AP2A2: variants seen among roughly 807,000 people sequenced by gnomAD.
AP2A2 encodes the protein adaptor related protein complex 2 subunit alpha 2.
In AP2A2, 32 loss-of-function variants were observed where a neutral mutation model predicts 104.2. The observed-to-expected ratio is 0.31, with a 90% CI of 0.23 to 0.41. The LOEUF is 0.41. AP2A2 is among the 10% of genes least tolerant of loss of function. AP2A2 has a pLI of 1.00. For missense variants in AP2A2, 912 were observed against 1,261.0 expected, an observed-to-expected ratio of 0.72 and a Z score of 4.19; for synonymous variants, 539 against 533.3, an observed-to-expected ratio of 1.01 and a Z score of -0.15.
rs1292731581 is a variant in AP2A2, at chr11:968,418, G to A, written c.137-1751G>A. Among the ~76,000 whole-genome samples, 1 of 152,072 alleles carries A rather than the reference G, an allele frequency of 6.6e-6. No homozygotes were observed. The highest frequency in any genetic ancestry group is 2.4e-5 in the African/African-American group (1 of 41,420). ...CTCCTCTCGGAGAGAGCCTGTCTCCGTCTCCGCCCCTGTTCCCATCCCCGT... is the reference window on the plus strand; with the variant it reads ...CTCCTCTCGGAGAGAGCCTGTCTCCATCTCCGCCCCTGTTCCCATCCCCGT... On this transcript the variant is annotated intron_variant, in intron 2 of 21. Coordinates refer to ENST00000448903, the MANE Select transcript of AP2A2 (RefSeq NM_012305.4). The surrounding 1 kb of genome is among the most constrained non-coding windows in gnomAD (Gnocchi z 4.2).
chr11:973,548 G>A (rs1393358815), intron 4 of AP2A2, among the ~76,000 whole-genome samples: 1 of 152,162 alleles, frequency 6.6e-6, no homozygotes, highest in South Asian at 2.1e-4. Context: ...CCACCGAGCC[G>A]GGGGAGCAGG....
chr11:983,650 T>A (rs1035399610), intron 6 of AP2A2, among the ~76,000 whole-genome samples: 3 of 152,228 alleles, frequency 2.0e-5, no homozygotes, highest in Non-Finnish European at 2.9e-5. Context: ...CTCAAAGTGC[T>A]GGGATTACAG....
At chr11:964,385 C>T (rs1854542569) in intron 2 of AP2A2, among the ~76,000 whole-genome samples, 1 of 152,214 alleles carries the variant, frequency 6.6e-6, no homozygotes, top group Non-Finnish European at 1.5e-5. Flanking sequence ...CTCTGCGGGG[C>T]ACCAGTCTGT....
intron 2 of AP2A2, among the ~76,000 whole-genome samples, chr11:965,288 A>AC (rs1854572189): frequency 4.0e-5 from 6 of 150,394 alleles, no homozygotes; most frequent in African/African-American, 1.5e-4. Context: ...AGGTGGAAAG[A>AC]ATGGAATGGG....
At chr11:962,743 A>T (rs1176108180) in intron 2 of AP2A2, among the ~76,000 whole-genome samples, 1 of 152,102 alleles carries the variant, frequency 6.6e-6, no homozygotes, top group Non-Finnish European at 1.5e-5. Flanking sequence ...AAAAAAAAAA[A>T]AATTTTGTTT....
chr11:937,176 T>C (rs7396046), intron 1 of AP2A2, among the ~76,000 whole-genome samples: 77,063 of 151,806 alleles, frequency 0.51, 20,188 homozygotes, highest in Middle Eastern at 0.66. Flanking sequence ...CCCGCCACTA[T>C]GCCTGCCTAA....
chr11:976,998 C>A, intron 4 of AP2A2, 97 bp from the exon 5 acceptor site: 1 of 1,534,716 alleles, frequency 6.5e-7, no homozygotes, highest in East Asian at 2.4e-5. Flanking sequence ...TGCGCCAGCC[C>A]CACCCCCGCG....
At chr11:974,793 T>C (rs1227118120) in intron 4 of AP2A2, among the ~76,000 whole-genome samples, 7 of 150,466 alleles carry the variant, frequency 4.7e-5, no homozygotes, top group Non-Finnish European at 4.4e-5. Flanking sequence ...GAGACCATCC[T>C]GGCCAACATG....
intron 6 of AP2A2, among the ~76,000 whole-genome samples, chr11:982,631 T>C (rs1255670843): frequency 6.6e-6 from 1 of 152,126 alleles, no homozygotes; most frequent in Non-Finnish European, 1.5e-5. Context: ...CATTTGAACT[T>C]GCAGTTTTCT....
At position 993,718 on chromosome 11, in the gene AP2A2, C is replaced by A; in HGVS notation, c.1551-36C>A. On this transcript the variant is annotated intron_variant, in intron 12 of 21. Coordinates refer to ENST00000448903, the MANE Select transcript of AP2A2 (RefSeq NM_012305.4). This position sits in a 1 kb window ranked among gnomAD's most constrained non-coding sequence, Gnocchi z 8.2. ...GGGCGTGCTGCAGCCTGCGAGGGGA[C>A]GACGGTGTCCCTGTGTTGTGCCTCC... 1 of 1,508,128 alleles carries A rather than the reference C, an allele frequency of 6.6e-7. No individual in the cohort carries two copies. Among genetic ancestry groups the A allele is most frequent in the South Asian group, 1.2e-5 (1 of 82,548 alleles). The allele number at this position is 1,508,128 out of a possible 1,614,324, so 93.4% of individuals were successfully genotyped here.
At chr11:979,102 CAG>C (rs780060499) in intron 5 of AP2A2, among the ~76,000 whole-genome samples, 2 of 151,960 alleles carry the variant, frequency 1.3e-5, no homozygotes, top group East Asian at 1.9e-4. Context: ...GCTGCCACCA[CAG>C]GGGTGGGGCC....
At chr11:933,016 T>G (rs1287054011) in intron 1 of AP2A2, among the ~76,000 whole-genome samples, 1 of 152,202 alleles carries the variant, frequency 6.6e-6, no homozygotes, top group Non-Finnish European at 1.5e-5. Context: ...ACGCCTGTAA[T>G]CCCAGCACTT....
At chr11:953,557 C>A (rs988182628) in intron 1 of AP2A2, among the ~76,000 whole-genome samples, 19 of 151,922 alleles carry the variant, frequency 1.3e-4, no homozygotes, top group Non-Finnish European at 2.4e-4. Context: ...CCCCCCCCCC[C>A]ATTGTCTTCA....
At chr11:972,035 T>C (rs1419471259) in intron 3 of AP2A2, 27 bp from the exon 4 acceptor site, 1 of 1,595,066 alleles carries the variant, frequency 6.3e-7, no homozygotes, top group African/African-American at 1.3e-5. Flanking sequence ...TCATGAGCTT[T>C]CTCTTCTCCT....
rs777618873 is a variant in AP2A2, at chr11:992,956, C to T, written c.1452+271C>T. 9.0e-4 allele frequency among the ~76,000 whole-genome samples: 137 copies of T among 152,256 alleles called. No individual in the cohort carries two copies. The highest frequency in any genetic ancestry group is 1.6e-3 in the Non-Finnish European group (107 of 68,010). ...TGTGTGAGAGCATGCTGGGGCATGC[C>T]GTGGTGGGGCCTGCCCTGTCCGTCG... is the stretch of plus-strand genomic sequence containing the variant. On this transcript the variant is annotated intron_variant, in intron 11 of 21. Coordinates refer to ENST00000448903, the MANE Select transcript of AP2A2 (RefSeq NM_012305.4). The surrounding 1 kb of genome is among the most constrained non-coding windows in gnomAD (Gnocchi z 6.4).
intron 17 of AP2A2, chr11:1,007,503 C>T (rs1856250604): frequency 1.2e-5 from 2 of 167,056 alleles, no homozygotes; most frequent in Non-Finnish European, 2.6e-5. Flanking sequence ...GAGAGGCCTG[C>T]ACCCCGCTGC....
intron 6 of AP2A2, among the ~76,000 whole-genome samples, chr11:983,880 T>C (rs1356559221): frequency 1.3e-5 from 2 of 152,216 alleles, no homozygotes; most frequent in Admixed American, 6.5e-5. Flanking sequence ...TTTGTGTTTG[T>C]GCCTTTCAGC....
intron 15 of AP2A2, chr11:1,001,259 G>C (rs898623317): frequency 1.3e-5 from 2 of 152,744 alleles, no homozygotes; most frequent in Non-Finnish European, 2.9e-5. Flanking sequence ...TCCCCCGCAC[G>C]TGCTCTCCCC....
Position 993,484 on chromosome 11 carries a change from C to T in AP2A2, c.1550+103C>T. Reference sequence around the variant, plus strand: ...CAGCTGGCCCTGCCGTGAGGCCTCGCAGAGCCGCTTCTGCTCCCCATCGGC... The same window carrying T: ...CAGCTGGCCCTGCCGTGAGGCCTCGTAGAGCCGCTTCTGCTCCCCATCGGC... On this transcript the variant is annotated intron_variant, in intron 12 of 21. Coordinates refer to ENST00000448903, the MANE Select transcript of AP2A2 (RefSeq NM_012305.4). This position sits in a 1 kb window ranked among gnomAD's most constrained non-coding sequence, Gnocchi z 8.2. The T allele has an allele frequency of 1.2e-6, 1 of 865,314 alleles. No individual in the cohort carries two copies. Among genetic ancestry groups the T allele is most frequent in the Non-Finnish European group, 1.7e-6 (1 of 582,658 alleles). The allele number at this position is 865,314 out of a possible 1,614,324, so 53.6% of individuals were successfully genotyped here.
Sources: allele counts gnomAD v4.1 joint callset (sites outside exome capture counted in the v4.1 genomes callset), GRCh38; gene constraint gnomAD v4.1.1; non-coding constraint Gnocchi (gnomAD v3.1); transcripts MANE v1.5; gene names NCBI Gene and HGNC (gene_info 2026-07-23, HGNC 2026-07-21).